Variants in EEPD1 observed in about 807,000 individuals in gnomAD.
The protein encoded by EEPD1 is endonuclease/exonuclease/phosphatase family domain-containing protein 1.
A neutral mutation model predicts 46.3 loss-of-function variants in EEPD1; 17 were observed. The observed-to-expected ratio is 0.37, with a 90% confidence interval of 0.25 to 0.55. EEPD1 has a LOEUF of 0.55. Among genes scored for constraint, EEPD1 ranks in the 20% least tolerant of loss-of-function variants. The pLI, the probability that EEPD1 is intolerant of heterozygous loss-of-function variation, is 0.83. For missense variants in EEPD1, 673 were observed against 745.6 expected (o/e 0.90, Z 1.13); for synonymous variants, 313 against 315.6 (o/e 0.99, Z 0.09).
At chr7:36,281,091 C>A in intron 3 of EEPD1, 24 bp from the exon 4 acceptor site, 1 of 1,612,288 alleles carries the variant, frequency 6.2e-7, no homozygotes, top group Non-Finnish European at 8.5e-7. Flanking sequence ...ACCCACGCTT[C>A]TGACCTGTGC....
intron 2 of EEPD1, among the ~76,000 whole-genome samples, chr7:36,190,384 A>G (rs1562679813): frequency 6.6e-6 from 1 of 152,202 alleles, no homozygotes; most frequent in Non-Finnish European, 1.5e-5. Context: ...ACAAACAAAT[A>G]TAACACATGG....
At chr7:36,292,155 C>A (rs1049441027) in intron 6 of EEPD1, among the ~76,000 whole-genome samples, 1 of 152,148 alleles carries the variant, frequency 6.6e-6, no homozygotes. Flanking sequence ...GTGAGTGCCC[C>A]GTGCCAGGCG....
At chr7:36,228,461 A>G (rs1436711624) in intron 2 of EEPD1, among the ~76,000 whole-genome samples, 1 of 151,208 alleles carries the variant, frequency 6.6e-6, no homozygotes, top group Non-Finnish European at 1.5e-5. Context: ...TGGGAGGCAG[A>G]GGTTTCAGTG....
At chr7:36,237,154 A>G (rs1786467187) in intron 2 of EEPD1, among the ~76,000 whole-genome samples, 1 of 152,100 alleles carries the variant, frequency 6.6e-6, no homozygotes, top group Admixed American at 6.5e-5. Context: ...CTGCAGCTTC[A>G]CTCCTCAAGT....
At chr7:36,196,556 C>T (rs189845616) in intron 2 of EEPD1, among the ~76,000 whole-genome samples, 1 of 152,220 alleles carries the variant, frequency 6.6e-6, no homozygotes, top group Non-Finnish European at 1.5e-5. Context: ...CGATTGCAGG[C>T]GCGCGCCGCC....
intron 3 of EEPD1, among the ~76,000 whole-genome samples, chr7:36,267,600 ACACAAGCTCCTGGAAC>A (rs1251380624): frequency 6.6e-6 from 1 of 152,138 alleles, no homozygotes; most frequent in Non-Finnish European, 1.5e-5. Flanking sequence ...TCCTGGATGC[ACACAAGCTCCTGGAAC>A]CACTCCTCTG....
chr7:36,265,020 C>A (rs1786991247), intron 3 of EEPD1, among the ~76,000 whole-genome samples: 1 of 152,094 alleles, frequency 6.6e-6, no homozygotes, highest in African/African-American at 2.4e-5. Flanking sequence ...TAAAATAAGT[C>A]ATGAATCAGT....
intron 2 of EEPD1, among the ~76,000 whole-genome samples, chr7:36,157,470 G>A (rs1376921463): frequency 1.3e-5 from 2 of 152,122 alleles, no homozygotes; most frequent in Non-Finnish European, 2.9e-5. Context: ...AGGTTGTCCT[G>A]TTTTTTTCTT....
chr7:36,281,990 A>C (rs1027464887), intron 4 of EEPD1, among the ~76,000 whole-genome samples: 1 of 152,250 alleles, frequency 6.6e-6, no homozygotes, highest in Admixed American at 6.5e-5. Context: ...ATAAATGTAT[A>C]CTGGATTAAA....
At chr7:36,156,519 G>A (rs1485668711) in intron 2 of EEPD1, among the ~76,000 whole-genome samples, 2 of 152,188 alleles carry the variant, frequency 1.3e-5, no homozygotes, top group African/African-American at 4.8e-5. Context: ...TTTATCCATA[G>A]CAGCATGGGC....
intron 2 of EEPD1, among the ~76,000 whole-genome samples, chr7:36,178,599 C>T (rs572727753): frequency 2.0e-5 from 3 of 152,216 alleles, no homozygotes; most frequent in African/African-American, 4.8e-5. Context: ...GTACCAGCAT[C>T]GTGTGGCTCT....
intron 2 of EEPD1, among the ~76,000 whole-genome samples, chr7:36,212,024 T>G (rs1412843055): frequency 2.0e-5 from 3 of 152,188 alleles, no homozygotes; most frequent in Non-Finnish European, 4.4e-5. Flanking sequence ...AAAAAAATGT[T>G]TAAAGCCTGT....
intron 2 of EEPD1, among the ~76,000 whole-genome samples, chr7:36,216,339 A>G (rs186450603): frequency 2.0e-4 from 31 of 152,286 alleles, no homozygotes; most frequent in African/African-American, 6.3e-4. Context: ...GGTTCTGAGG[A>G]AACAATTGGC....
intron 4 of EEPD1, among the ~76,000 whole-genome samples, chr7:36,283,915 A>G (rs1787299252): frequency 6.6e-6 from 1 of 152,228 alleles, no homozygotes; most frequent in African/African-American, 2.4e-5. Context: ...GTGCTGAGGA[A>G]GCATTCTCAT....
chr7:36,259,942 A>G (rs749883744), intron 3 of EEPD1, among the ~76,000 whole-genome samples: 1 of 152,090 alleles, frequency 6.6e-6, no homozygotes, highest in Non-Finnish European at 1.5e-5. Context: ...TGTGAATTTC[A>G]TTTACTATTT....
At chr7:36,223,373 G>A (rs1786181635) in intron 2 of EEPD1, among the ~76,000 whole-genome samples, 1 of 151,962 alleles carries the variant, frequency 6.6e-6, no homozygotes, top group African/African-American at 2.4e-5. Context: ...GCCTTGGTGG[G>A]AGTATGTAAG....
At chr7:36,236,092 CT>C (rs1303138657) in intron 2 of EEPD1, among the ~76,000 whole-genome samples, 1 of 152,064 alleles carries the variant, frequency 6.6e-6, no homozygotes, top group Non-Finnish European at 1.5e-5. Flanking sequence ...ACCAGGCTAA[CT>C]TTTTGTATTT....
intron 2 of EEPD1, among the ~76,000 whole-genome samples, chr7:36,158,355 T>A (rs1375604763): frequency 6.7e-6 from 1 of 149,602 alleles, no homozygotes; most frequent in Admixed American, 6.6e-5. Flanking sequence ...CCAGTCACAG[T>A]GTCTTAAATT....
chr7:36,213,655 C>T (rs563329256), intron 2 of EEPD1, among the ~76,000 whole-genome samples: 1 of 152,296 alleles, frequency 6.6e-6, no homozygotes, highest in South Asian at 2.1e-4. Flanking sequence ...AGCTCTAACT[C>T]CAGACACTGC....
Sources: gnomAD v4.1 joint callset for allele counts (sites outside exome capture counted in the v4.1 genomes callset) on GRCh38, gnomAD v4.1.1 for gene constraint, MANE v1.5 for transcripts, NCBI Gene and HGNC (gene_info 2026-07-23, HGNC 2026-07-21) for gene names.